The following CRYZL1 variants were observed in gnomAD, a reference collection of about 807,000 sequenced individuals.
The protein encoded by CRYZL1 is ferry endosomal RAB5 effector complex subunit 4.
A neutral mutation model predicts 50.6 loss-of-function variants in CRYZL1; 34 were observed. The ratio of observed to expected loss-of-function variants is 0.67; its 90% CI spans 0.51 to 0.89. CRYZL1 has a LOEUF of 0.89. Ranked by LOEUF, CRYZL1 falls within the 40% of genes least tolerant of loss-of-function variation. The probability of loss-of-function intolerance (pLI) is 0.00; values close to 1 mark genes in which losing one functional copy is unlikely to be tolerated. For synonymous variants in CRYZL1, 125 were observed against 134.3 expected, an observed-to-expected ratio of 0.93 and a Z score of 0.48; for missense variants, 354 against 402.3, an observed-to-expected ratio of 0.88 and a Z score of 1.03.
At position 33,637,927 on chromosome 21, in the gene CRYZL1, G is replaced by A. The variant is rs7278381; in HGVS notation, c.-7+3754C>T. On this transcript the variant is annotated intron_variant, in intron 1 of 12. Coordinates refer to ENST00000381554, the MANE Select transcript of CRYZL1 (RefSeq NM_145858.3). ...TCCAATACCCTATTACCCATCCATC[G>A]TTGGGACCTGTGCATAGCATTATAA... 2.5e-3 allele frequency among the ~76,000 whole-genome samples: 381 copies of A among 151,818 alleles called. 2 individuals are homozygous for A. The highest frequency in any genetic ancestry group is 8.0e-3 in the African/African-American group (333 of 41,394).
intron 1 of CRYZL1, among the ~76,000 whole-genome samples, chr21:33,638,904 C>A (rs892945471): frequency 1.3e-5 from 2 of 152,178 alleles, no homozygotes; most frequent in African/African-American, 4.8e-5. Context: ...CCAGAGTCAA[C>A]TGAGTGGGAC....
rs754761262 is a variant in CRYZL1 at position 33,602,336 on chromosome 21, T to C, written c.475A>G (p.Thr159Ala). ...TGATGTGCTAACTGAATAGCTATTG[T>C]ACCAAATGCCTGTGTAGAAAAAAAT... is the stretch of plus-strand genomic sequence containing the variant. ...LIMDGASAFG[T>A]IAIQLAHHRG... The change falls in exon 8 of 13, where the codon ACA (threonine) becomes GCA (alanine). Residue 159 changes from threonine (T) to alanine (A), a missense_variant. Thr to Ala is a moderately conservative substitution (Grantham distance 58). Transcript: ENST00000381554. 8.2e-6 allele frequency: 13 copies of C among 1,583,652 alleles called. No homozygotes were observed. The highest frequency in any genetic ancestry group is 7.7e-5 in the South Asian group (7 of 90,448).
chr21:33,641,047 T>C (rs2087304838), intron 1 of CRYZL1: 2 of 1,343,752 alleles, frequency 1.5e-6, no homozygotes, highest in Admixed American at 3.5e-5. Context: ...CATAAGGGAC[T>C]CGCATTATAT....
intron 10 of CRYZL1, 48 bp downstream of exon 10, chr21:33,597,231 AT>A: frequency 8.8e-6 from 14 of 1,582,684 alleles, no homozygotes; most frequent in Non-Finnish European, 1.2e-5. Flanking sequence ...TTGTTTGTTA[AT>A]TACACCCCTT....
intron 4 of CRYZL1, among the ~76,000 whole-genome samples, chr21:33,617,764 A>C (rs1161723177): frequency 1.3e-5 from 2 of 152,180 alleles, no homozygotes; most frequent in Admixed American, 6.5e-5. Flanking sequence ...GAATCTACAG[A>C]TAACACAACC....
At chr21:33,604,752 G>A (rs2086793959) in intron 6 of CRYZL1, among the ~76,000 whole-genome samples, 2 of 152,106 alleles carry the variant, frequency 1.3e-5, no homozygotes, top group Non-Finnish European at 2.9e-5. Flanking sequence ...TTTAGCTGAT[G>A]AACATTTGTG....
At chr21:33,613,469 AAT>A in intron 6 of CRYZL1, 67 bp downstream of exon 6, 1 of 1,039,110 alleles carries the variant, frequency 9.6e-7, no homozygotes, top group Non-Finnish European at 1.5e-6. Context: ...AAAAAATTAA[AAT>A]GTTATTAAAC....
At chr21:33,634,402 G>A (rs1212667455) in intron 1 of CRYZL1, among the ~76,000 whole-genome samples, 1 of 152,078 alleles carries the variant, frequency 6.6e-6, no homozygotes, top group East Asian at 1.9e-4. Flanking sequence ...CCTGTTCTCT[G>A]ACAGAATGCT....
intron 11 of CRYZL1, 125 bp from the exon 12 acceptor site, chr21:33,591,332 T>A (rs116740273): frequency 2.7e-6 from 2 of 741,194 alleles, no homozygotes; most frequent in African/African-American, 3.5e-5. Flanking sequence ...AGACTCAACA[T>A]GTTAAGTTAG....
At chr21:33,598,864 G>A (rs1041084666) in intron 9 of CRYZL1, among the ~76,000 whole-genome samples, 24 of 144,358 alleles carry the variant, frequency 1.7e-4, no homozygotes, top group African/African-American at 6.2e-4. Context: ...TTTTATGTGT[G>A]GCCTAAGACA....
At chr21:33,595,111 T>C in intron 11 of CRYZL1, 1 of 998,534 alleles carries the variant, frequency 1.0e-6, no homozygotes, top group Non-Finnish European at 1.2e-6. Flanking sequence ...GGTTTGCACC[T>C]TTCTTTTTGA....
intron 1 of CRYZL1, chr21:33,641,231 C>T (rs1332024322): frequency 1.3e-6 from 2 of 1,550,564 alleles, no homozygotes; most frequent in South Asian, 2.4e-5. Flanking sequence ...GCCGATCTGG[C>T]TCAAAAGCCA....
chr21:33,592,833 C>T (rs1051629577), intron 11 of CRYZL1, among the ~76,000 whole-genome samples: 1 of 152,160 alleles, frequency 6.6e-6, no homozygotes, highest in African/African-American at 2.4e-5. Context: ...AGGTGGATCA[C>T]CTGAGGTCAA....
intron 6 of CRYZL1, among the ~76,000 whole-genome samples, chr21:33,606,266 T>C (rs773774013): frequency 3.3e-5 from 5 of 152,180 alleles, no homozygotes; most frequent in Non-Finnish European, 7.4e-5. Flanking sequence ...ATTGGGAACA[T>C]CTTCTATCAA....
At chr21:33,630,407 G>A (rs968956266) in intron 2 of CRYZL1, among the ~76,000 whole-genome samples, 3 of 152,094 alleles carry the variant, frequency 2.0e-5, no homozygotes, top group Admixed American at 6.5e-5. Context: ...CCAACATGGC[G>A]AAACCCTGTC....
In CRYZL1 at chr21:33,614,506, A is replaced by C. The variant is rs550898531; in HGVS notation, c.263-900T>G. 4.6e-5 allele frequency among the ~76,000 whole-genome samples: 7 copies of C among 152,322 alleles called. No homozygotes were observed. The South Asian group carries it at 1.5e-3, about 32-fold the overall frequency. On this transcript the variant is annotated intron_variant, in intron 5 of 12. Transcript: ENST00000381554. ...TTCTGTCTCAAACTAAGAAACAAAT[A>C]AACAAAATTGTCCTTGATGCATAGC...
rs1160989870 is a variant in CRYZL1 at position 33,624,744 on chromosome 21, G to A, written c.83C>T (p.Thr28Ile). ...VFQEKEDLPV[T>I]EDNFVKLQVK... ...TTGAAGTTTCACAAAGTTATCCTCT[G>A]TAACAGGAAGATCTTCCTAGAACCA... Residue 28 changes from threonine to isoleucine, a missense_variant, in exon 3 of 13, where the codon ACA (threonine) becomes ATA (isoleucine). Transcript: ENST00000381554. 2 of 1,595,350 alleles carry A rather than the reference G, an allele frequency of 1.3e-6. No homozygotes were observed. Among genetic ancestry groups the A allele is most frequent in the Non-Finnish European group, 1.7e-6 (2 of 1,175,416 alleles).
Position 33,638,083 on chromosome 21 carries a change from A to G in CRYZL1, c.-7+3598T>C, listed in dbSNP as rs190743822. ...TTTTGTACATATTCACACATTGGAAAAAGAAATATGCCCAAATATTTGATT... is the reference window on the plus strand; with the variant it reads ...TTTTGTACATATTCACACATTGGAAGAAGAAATATGCCCAAATATTTGATT... On this transcript the variant is annotated intron_variant, in intron 1 of 12. Coordinates refer to ENST00000381554, the MANE Select transcript of CRYZL1 (RefSeq NM_145858.3). Among the ~76,000 whole-genome samples the G allele has an allele frequency of 1.4e-3, 208 of 152,298 alleles. 1 individual carries two copies. The highest frequency in any genetic ancestry group is 2.1e-3 in the Non-Finnish European group (142 of 68,032).
chr21:33,641,263 C>T, intron 1 of CRYZL1: 1 of 1,550,550 alleles, frequency 6.4e-7, no homozygotes, highest in Non-Finnish European at 8.7e-7. Flanking sequence ...TAACTACTAA[C>T]TGCTTTCCGA....
Sources: allele counts gnomAD v4.1 joint callset (sites outside exome capture counted in the v4.1 genomes callset), GRCh38; gene constraint gnomAD v4.1.1; transcripts MANE v1.5; gene names NCBI Gene and HGNC (gene_info 2026-07-23, HGNC 2026-07-21).